The following PPP1R12A variants were observed in gnomAD, a reference collection of about 807,000 sequenced individuals.
PPP1R12A encodes myosin binding subunit.
PPP1R12A carries 19 observed loss-of-function variants against 139.6 expected under a neutral mutation model. The ratio of observed to expected loss-of-function variants is 0.14; its 90% CI spans 0.09 to 0.20. The LOEUF (loss-of-function observed/expected upper bound fraction) is 0.20. Among genes scored for constraint, PPP1R12A ranks in the 10% least tolerant of loss-of-function variants. The probability of loss-of-function intolerance (pLI) is 1.00; values close to 1 mark genes in which losing one functional copy is unlikely to be tolerated. For synonymous variants in PPP1R12A, 427 were observed against 420.6 expected, an observed-to-expected ratio of 1.02 and a Z score of -0.19; for missense variants, 925 against 1,211.5, an observed-to-expected ratio of 0.76 and a Z score of 3.51.
At chr12:79,909,248 T>C (rs1886364924) in intron 1 of PPP1R12A, among the ~76,000 whole-genome samples, 1 of 152,222 alleles carries the variant, frequency 6.6e-6, no homozygotes, top group Non-Finnish European at 1.5e-5. Context: ...ATATGATTAA[T>C]GTGATAATGT....
intron 24 of PPP1R12A, chr12:79,777,724 A>T (rs1266778257): frequency 4.1e-5 from 34 of 831,446 alleles, no homozygotes; most frequent in Non-Finnish European, 3.2e-5. Context: ...TAAGAATGTA[A>T]TCACAGGTAA....
At chr12:79,831,028 T>C (rs900356110) in intron 4 of PPP1R12A, among the ~76,000 whole-genome samples, 1 of 152,172 alleles carries the variant, frequency 6.6e-6, no homozygotes, top group African/African-American at 2.4e-5. Flanking sequence ...AAAAAGATCA[T>C]TTGGAAGCCA....
At chr12:79,873,248 G>C (rs1229376489) in intron 1 of PPP1R12A, among the ~76,000 whole-genome samples, 1 of 151,996 alleles carries the variant, frequency 6.6e-6, no homozygotes, top group African/African-American at 2.4e-5. Flanking sequence ...CTATAGCAGT[G>C]GTTCCCAAAA....
intron 1 of PPP1R12A, among the ~76,000 whole-genome samples, chr12:79,876,676 A>G (rs1883131581): frequency 6.6e-6 from 1 of 152,190 alleles, no homozygotes; most frequent in Non-Finnish European, 1.5e-5. Flanking sequence ...ATAGAAACAA[A>G]AGAAATGCTT....
chr12:79,811,783 T>C (rs989889685), intron 9 of PPP1R12A, among the ~76,000 whole-genome samples: 2 of 152,176 alleles, frequency 1.3e-5, no homozygotes, highest in African/African-American at 2.4e-5. Context: ...AAACAGGTAA[T>C]GGGCTAGGTT....
rs11836335 is a variant in PPP1R12A at position 79,849,964 on chromosome 12, C to T, written c.369-4544G>A. ...TCGGCCTCCCTAGTTGCTAGGAATA[C>T]AAGAACATACTACAACACCCAGCTA... is the stretch of plus-strand genomic sequence containing the variant. On this transcript the variant is annotated intron_variant, in intron 2 of 24. Coordinates refer to ENST00000450142, the MANE Select transcript of PPP1R12A (RefSeq NM_002480.3). Among the ~76,000 whole-genome samples, 1,484 of 151,742 alleles carry T rather than the reference C, an allele frequency of 9.8e-3. 32 individuals are homozygous for T. Among genetic ancestry groups the T allele is most frequent in the African/African-American group, 0.035 (1,429 of 41,334 alleles).
intron 10 of PPP1R12A, among the ~76,000 whole-genome samples, chr12:79,808,932 TGA>T (rs1423285968): frequency 6.6e-6 from 1 of 152,176 alleles, no homozygotes; most frequent in African/African-American, 2.4e-5. Context: ...TATTGTTCAC[TGA>T]GAGGTCTCAA....
intron 19 of PPP1R12A, among the ~76,000 whole-genome samples, chr12:79,792,754 T>C (rs1386005412): frequency 6.6e-6 from 1 of 152,124 alleles, no homozygotes; most frequent in East Asian, 1.9e-4. Flanking sequence ...AGGTGTCAGA[T>C]GGGGATGGTT....
intron 2 of PPP1R12A, among the ~76,000 whole-genome samples, chr12:79,857,224 C>T (rs989872423): frequency 6.6e-6 from 1 of 152,050 alleles, no homozygotes; most frequent in African/African-American, 2.4e-5. Context: ...AAATGTGGCA[C>T]ATATACACCA....
intron 14 of PPP1R12A, 117 bp downstream of exon 14, chr12:79,805,475 C>A: frequency 1.1e-6 from 1 of 886,840 alleles, no homozygotes; most frequent in South Asian, 2.3e-5. Context: ...CAGGGTATTT[C>A]ATTTATTAGT....
intron 22 of PPP1R12A, among the ~76,000 whole-genome samples, chr12:79,785,188 G>T (rs1870958313): frequency 6.6e-6 from 1 of 152,144 alleles, no homozygotes; most frequent in South Asian, 2.1e-4. Flanking sequence ...GTATGACACT[G>T]TAAGTTTTTA....
intron 1 of PPP1R12A, among the ~76,000 whole-genome samples, chr12:79,903,325 C>T (rs1427217389): frequency 6.6e-6 from 1 of 151,890 alleles, no homozygotes; most frequent in East Asian, 1.9e-4. Context: ...GTGGCATGTG[C>T]CTGTAATCCC....
At chr12:79,830,458 C>G (rs900266304) in intron 4 of PPP1R12A, among the ~76,000 whole-genome samples, 3 of 152,092 alleles carry the variant, frequency 2.0e-5, no homozygotes, top group Non-Finnish European at 4.4e-5. Flanking sequence ...GCTGCTAGCA[C>G]GTATCTTACT....
chr12:79,894,057 C>T (rs1884907308), intron 1 of PPP1R12A, among the ~76,000 whole-genome samples: 1 of 152,178 alleles, frequency 6.6e-6, no homozygotes, highest in African/African-American at 2.4e-5. Context: ...TATTTACCAT[C>T]AATGAAACCT....
chr12:79,789,690 A>G (rs376553382), intron 20 of PPP1R12A: 2 of 452,144 alleles, frequency 4.4e-6, no homozygotes, highest in South Asian at 3.1e-5. Flanking sequence ...GCTGTGGTTA[A>G]CAATGATAAG....
At chr12:79,927,385 T>C (rs1043143726) in intron 1 of PPP1R12A, among the ~76,000 whole-genome samples, 4 of 152,340 alleles carry the variant, frequency 2.6e-5, no homozygotes, top group African/African-American at 7.2e-5. Context: ...TCCTAAAATT[T>C]AGGACAATTT....
rs573848669 is a variant in PPP1R12A at position 79,927,948 on chromosome 12, T to C, written c.237+6747A>G. ...AGAAGGGTGGAGTAAAAGATGGCAA[T>C]TTTTTGCAGGCAGAGGCAATGAAAA... is the stretch of plus-strand genomic sequence containing the variant. On this transcript the variant is annotated intron_variant, in intron 1 of 24. Coordinates refer to ENST00000450142, the MANE Select transcript of PPP1R12A (RefSeq NM_002480.3). 5.3e-5 allele frequency among the ~76,000 whole-genome samples: 8 copies of C among 152,320 alleles called. No homozygotes were observed. In the South Asian group the frequency reaches 1.7e-3, roughly 32 times the overall value.
At chr12:79,790,688 T>C (rs1440573521) in intron 19 of PPP1R12A, among the ~76,000 whole-genome samples, 1 of 152,170 alleles carries the variant, frequency 6.6e-6, no homozygotes, top group Non-Finnish European at 1.5e-5. Context: ...GGTCAGCAAT[T>C]AGGTGACAGG....
chr12:79,870,611 T>C (rs924423487), intron 2 of PPP1R12A, among the ~76,000 whole-genome samples: 2 of 152,220 alleles, frequency 1.3e-5, no homozygotes, highest in Admixed American at 1.3e-4. Flanking sequence ...CCATAGTTTA[T>C]AGCACAGTCA....
Sources: gnomAD v4.1 joint callset for allele counts (sites outside exome capture counted in the v4.1 genomes callset) on GRCh38, gnomAD v4.1.1 for gene constraint, MANE v1.5 for transcripts, NCBI Gene and HGNC (gene_info 2026-07-23, HGNC 2026-07-21) for gene names.